FH: variants seen among roughly 807,000 people sequenced by gnomAD.
FH encodes fumarate hydratase, mitochondrial.
Under a neutral mutation model 49.4 loss-of-function variants are expected in FH, and 22 were observed. That is an observed-to-expected ratio of 0.45 (90% CI 0.32 to 0.64). FH has a LOEUF of 0.64. FH is among the 30% of genes least tolerant of loss of function. The pLI, the probability that FH is intolerant of heterozygous loss-of-function variation, is 0.05. For missense variants in FH, 526 were observed against 641.5 expected, an observed-to-expected ratio of 0.82 and a Z score of 1.95; for synonymous variants, 208 against 223.0, an observed-to-expected ratio of 0.93 and a Z score of 0.60.
rs780966768 is a variant in FH, at chr1:241,513,565, T to G, written c.378+38A>C. 1.5e-5 allele frequency: 21 copies of G among 1,433,894 alleles called. No homozygotes were observed. In the Admixed American group the frequency reaches 3.5e-4, roughly 24 times the overall value. 88.8% of individuals were successfully genotyped at this position (1,433,894 alleles called of 1,614,324 possible). Reference sequence around the variant, plus strand: ...ATCGTCATCCAGAGTATGGCATGGGTCTGAGGTTATTAAGCAAACACACTT... The same window carrying G: ...ATCGTCATCCAGAGTATGGCATGGGGCTGAGGTTATTAAGCAAACACACTT... On this transcript the variant is annotated intron_variant, in intron 3 of 9. Transcript: ENST00000366560.
At chr1:241,499,250 T>C (rs1186057675) in intron 9 of FH, among the ~76,000 whole-genome samples, 1 of 151,890 alleles carries the variant, frequency 6.6e-6, no homozygotes, top group Non-Finnish European at 1.5e-5. Context: ...TGTTGACCCA[T>C]CTCATTCTCA....
At chr1:241,514,454 G>A (rs1660166931) in intron 2 of FH, among the ~76,000 whole-genome samples, 1 of 152,126 alleles carries the variant, frequency 6.6e-6, no homozygotes, top group Admixed American at 6.5e-5. Flanking sequence ...AGGATAAACT[G>A]AAATGAAAAC....
chr1:241,502,541 T>C lies in FH; in HGVS notation c.1138A>G (p.Met380Val), dbSNP rs587778362. Residue 380 changes from methionine to valine, a missense_variant, in exon 8 of 10, where the codon ATG (methionine) becomes GTG (valine). Physicochemically the swap from Met to Val is conservative, Grantham distance 21. Transcript: ENST00000366560. ...ATGACTTGGGCTGCAACCATGGTCA[T>C]TGCTTCACACTGAGTAGGGTTCACC... The part of the protein sequence containing the change: ...GKVNPTQCEA[M>V]TMVAAQVMGN... 9.3e-6 allele frequency: 15 copies of C among 1,614,038 alleles called. No homozygotes were observed. Among genetic ancestry groups the C allele is most frequent in the East Asian group, 2.2e-5 (1 of 44,896 alleles).
Position 241,504,193 on chromosome 1 carries a change from G to A in FH, c.957C>T (p.Asp319=), listed in dbSNP as rs146751488. The change falls in exon 7 of 10, where the codon GAC becomes GAT. Residue 319 remains aspartate (D), a synonymous_variant. Transcript: ENST00000366560. ...PNKFEALAAH[D]ALVELSGAMN... ...TGGCTCCACTGAGCTCAACCAGAGC[G>A]TCATGAGCAGCCAGAGCTTCAAATT... The A allele has an allele frequency of 2.2e-5, 35 of 1,614,026 alleles. No homozygotes were observed. The highest frequency in any genetic ancestry group is 1.3e-4 in the African/African-American group (10 of 74,910).
intron 2 of FH, among the ~76,000 whole-genome samples, chr1:241,515,813 T>C (rs1307933516): frequency 2.0e-5 from 3 of 152,214 alleles, no homozygotes; most frequent in African/African-American, 7.2e-5. Flanking sequence ...AAGATGTATC[T>C]TGTAATCAAT....
At chr1:241,499,300 A>C (rs909279957) in intron 9 of FH, among the ~76,000 whole-genome samples, 33 of 152,172 alleles carry the variant, frequency 2.2e-4, no homozygotes, top group African/African-American at 8.0e-4. Context: ...CAATAAGTTG[A>C]TTCCAATAAA....
In FH at chr1:241,497,926, C is replaced by T; in HGVS notation, c.1435G>A (p.Gly479Arg). 6 of 1,613,090 alleles carry T rather than the reference C, an allele frequency of 3.7e-6. No individual in the cohort carries two copies. Among genetic ancestry groups the T allele is most frequent in the Non-Finnish European group, 5.1e-6 (6 of 1,179,202 alleles). Residue 479 changes from glycine to arginine, a missense_variant, in exon 10 of 10, where the codon GGA becomes AGA. Coordinates refer to ENST00000366560, the MANE Select transcript of FH (RefSeq NM_000143.4). Reference protein sequence around the residue: ...AKIAKTAHKNGSTLKETAIEL... With the variant: ...AKIAKTAHKNRSTLKETAIEL... ...ATAGCAGTTTCCTTTAAGGTTGATC[C>T]ATTTTTGTGTGCTGTCTTAGCAATC...
At chr1:241,515,339 T>A (rs1042140492) in intron 2 of FH, among the ~76,000 whole-genome samples, 1 of 152,166 alleles carries the variant, frequency 6.6e-6, no homozygotes, top group Non-Finnish European at 1.5e-5. Flanking sequence ...CAAAACATGC[T>A]GGTGACACAG....
intron 9 of FH, among the ~76,000 whole-genome samples, chr1:241,499,013 G>T (rs929374132): frequency 2.6e-5 from 4 of 151,714 alleles, no homozygotes; most frequent in Non-Finnish European, 5.9e-5. Flanking sequence ...ACTGAAAAGG[G>T]CATCTTTCTT....
At chr1:241,501,602 CT>C (rs1205816726) in intron 8 of FH, among the ~76,000 whole-genome samples, 11 of 152,042 alleles carry the variant, frequency 7.2e-5, no homozygotes, top group African/African-American at 2.4e-4. Flanking sequence ...GAAAATGGTA[CT>C]CAATAAATAT....
chr1:241,501,596 A>G (rs147081441), intron 8 of FH, among the ~76,000 whole-genome samples: 24 of 152,326 alleles, frequency 1.6e-4, no homozygotes, highest in Admixed American at 1.6e-3. Flanking sequence ...CTGATAGAAA[A>G]TGGTACTCAA....
chr1:241,505,679 C>T (rs1659910042), intron 6 of FH, among the ~76,000 whole-genome samples: 1 of 152,172 alleles, frequency 6.6e-6, no homozygotes, highest in African/African-American at 2.4e-5. Flanking sequence ...ATTCAAATAA[C>T]TTACTCAACA....
chr1:241,508,575 T>C, intron 5 of FH, 28 bp downstream of exon 5: 2 of 1,597,994 alleles, frequency 1.3e-6, no homozygotes, highest in South Asian at 2.2e-5. Context: ...AAGCTCTAAA[T>C]TGAATCAAAT....
chr1:241,509,208 A>G (rs186653328), intron 4 of FH, among the ~76,000 whole-genome samples: 304 of 151,928 alleles, frequency 2.0e-3, no homozygotes, highest in African/African-American at 6.5e-3. Flanking sequence ...TTATAATTAT[A>G]TCAAATTACA....
rs1377008185 is a variant in FH at position 241,500,483 on chromosome 1, C to G, written c.1344G>C (p.Leu448=). ...IQANTERINK[L]MNESLMLVTA... is the part of the protein sequence containing the mutation. ...TCACCAACATTAGAGACTCATTCAT[C>G]AGCTTGTTGATCCTTTCTGTATTGG... The change falls in exon 9 of 10, where the codon CTG becomes CTC. Residue 448 remains leucine (L), a synonymous_variant. Coordinates refer to ENST00000366560, the MANE Select transcript of FH (RefSeq NM_000143.4). The G allele has an allele frequency of 6.2e-7, 1 of 1,613,900 alleles. No homozygotes were observed. Among genetic ancestry groups the G allele is most frequent in the Non-Finnish European group, 8.5e-7 (1 of 1,179,976 alleles).
At chr1:241,509,821 A>ACG (rs1457061788) in intron 4 of FH, among the ~76,000 whole-genome samples, 1 of 145,564 alleles carries the variant, frequency 6.9e-6, no homozygotes, top group Non-Finnish European at 1.5e-5. Context: ...ACACACACAC[A>ACG]CACGCATGCA....
At chr1:241,503,092 C>A (rs1030934858) in intron 7 of FH, among the ~76,000 whole-genome samples, 2 of 152,184 alleles carry the variant, frequency 1.3e-5, no homozygotes, top group Non-Finnish European at 2.9e-5. Context: ...ACTCCTTGGA[C>A]AAGCTCCAAG....
At chr1:241,508,882 TA>T in intron 4 of FH, 97 bp from the exon 5 acceptor site, 1 of 1,062,602 alleles carries the variant, frequency 9.4e-7, no homozygotes, top group South Asian at 1.5e-5. Context: ...ACTCTCCAAC[TA>T]ACTACTCAAA....
chr1:241,514,859 G>A (rs1205535348), intron 2 of FH, among the ~76,000 whole-genome samples: 2 of 152,126 alleles, frequency 1.3e-5, no homozygotes, highest in Non-Finnish European at 2.9e-5. Context: ...AAACAAATGG[G>A]AATTTAAATC....
Sources: allele counts gnomAD v4.1 joint callset (sites outside exome capture counted in the v4.1 genomes callset), GRCh38; gene constraint gnomAD v4.1.1; transcripts MANE v1.5; gene names NCBI Gene and HGNC (gene_info 2026-07-23, HGNC 2026-07-21).